TTN: variants seen among roughly 807,000 people sequenced by gnomAD.
TTN encodes titin.
In TTN, 1,525 loss-of-function variants were observed where a neutral mutation model predicts 3,223.0. That is an observed-to-expected ratio of 0.47 (90% CI 0.45 to 0.49). The LOEUF is 0.49. TTN is among the 20% of genes least tolerant of loss of function. TTN has a pLI of 0.00. For synonymous variants in TTN, 14,094 were observed against 15,161.0 expected (o/e 0.93, Z 5.17); for missense variants, 40,786 against 43,424.0 (o/e 0.94, Z 5.40).
rs762291327 is a variant in TTN, at chr2:178,706,780, C to A, written c.29135-41G>T. On this transcript the variant is annotated intron_variant, in intron 101 of 362. Coordinates refer to ENST00000589042, the MANE Select transcript of TTN (RefSeq NM_001267550.2). ...AACAAGTGAATAAAAATTTAATTTTCTAAAATCAGTTCTTCCAAAATTAAA... is the reference window on the plus strand; with the variant it reads ...AACAAGTGAATAAAAATTTAATTTTATAAAATCAGTTCTTCCAAAATTAAA... The A allele has an allele frequency of 1.6e-5, 26 of 1,595,952 alleles. No individual in the cohort carries two copies. The East Asian group carries it at 5.6e-4, about 34-fold the overall frequency.
At position 178,704,709 on chromosome 2, in the gene TTN, A is replaced by G. The variant is rs2742343; in HGVS notation, c.29763T>C (p.Ile9921=). 0.037 allele frequency: 59,216 copies of G among 1,611,202 alleles called. 2,249 individuals carry two copies. The highest frequency in any genetic ancestry group is 0.19 in the East Asian group (8,553 of 44,862). ...TTTCTGGATAATTAATTTTAATGTC[A>G]ATTTCAAAGACAGCATCATTATCTT... The part of the protein sequence containing the change: ...VLKDNDAVFE[I]DIKINYPEIK... Residue 9921 remains isoleucine, a synonymous_variant, in exon 105 of 363, where the codon ATT becomes ATC. Coordinates refer to ENST00000589042, the MANE Select transcript of TTN (RefSeq NM_001267550.2).
Position 178,591,237 on chromosome 2 carries a change from G to A in TTN, c.60488C>T (p.Ala20163Val). The A allele has an allele frequency of 1.9e-6, 3 of 1,613,372 alleles. No individual in the cohort carries two copies. The highest frequency in any genetic ancestry group is 2.5e-6 in the Non-Finnish European group (3 of 1,179,562). ...VSNAAGSKTV[A>V]VHLTVLDVPG... Reference sequence around the variant, plus strand: ...AACATCAAGAACAGTAAGATGTACGGCTACTGTTTTGCTACCGGCTGCATT... The same window carrying A: ...AACATCAAGAACAGTAAGATGTACGACTACTGTTTTGCTACCGGCTGCATT... Residue 20163 changes from alanine (A) to valine (V), a missense_variant, in exon 304 of 363, where the codon GCC becomes GTC. Coordinates refer to ENST00000589042, the MANE Select transcript of TTN (RefSeq NM_001267550.2).
rs748038054 is a variant in TTN at position 178,554,672 on chromosome 2, C to G, written c.88675G>C (p.Ala29559Pro). Residue 29559 changes from alanine to proline, a missense_variant, in exon 332 of 363, where the codon GCT (alanine) becomes CCT (proline). Coordinates refer to ENST00000589042, the MANE Select transcript of TTN (RefSeq NM_001267550.2). ...GTGATTTTTGCACCACCATCATCAG[C>G]TGGAGGCCGCCAGAGAAGGGTGATC... is the stretch of plus-strand genomic sequence containing the variant. Reference protein sequence around the residue: ...EKITLLWRPPADDGGAKITHY... With the variant: ...EKITLLWRPPPDDGGAKITHY... The G allele has an allele frequency of 1.7e-5, 27 of 1,613,842 alleles. No homozygotes were observed. Among genetic ancestry groups the G allele is most frequent in the Non-Finnish European group, 2.2e-5 (26 of 1,179,868 alleles).
Position 178,577,171 on chromosome 2 carries a change from T to G in TTN, c.69164A>C (p.Glu23055Ala), listed in dbSNP as rs2046618372. The G allele has an allele frequency of 6.2e-7, 1 of 1,612,936 alleles. No individual in the cohort carries two copies. The highest frequency in any genetic ancestry group is 8.5e-7 in the Non-Finnish European group (1 of 1,179,418). Residue 23055 changes from glutamate to alanine, a missense_variant, in exon 324 of 363, where the codon GAA (glutamate) becomes GCA (alanine). By Grantham distance (107) the Glu-to-Ala change is moderately radical (BLOSUM62 -1). Coordinates refer to ENST00000589042, the MANE Select transcript of TTN (RefSeq NM_001267550.2). The part of the protein sequence containing the change: ...GPVEISNVSA[E>A]KATLTWTPPL... ...AGGTGTCCATGTAAGTGTTGCTTTT[T>G]CAGCAGAAACATTACTGATTTCAAC... is the stretch of plus-strand genomic sequence containing the variant.
chr2:178,598,454 GA>G, intron 292 of TTN, 51 bp downstream of exon 292: 6 of 1,571,944 alleles, frequency 3.8e-6, no homozygotes, highest in Middle Eastern at 1.7e-4. Flanking sequence ...GAATAACTAT[GA>G]CATTTTTTAG....
At position 178,634,151 on chromosome 2, in the gene TTN, G is replaced by T; in HGVS notation, c.42416-68C>A. 1.3e-6 allele frequency: 2 copies of T among 1,582,068 alleles called. No individual in the cohort carries two copies. Among genetic ancestry groups the T allele is most frequent in the Non-Finnish European group, 1.7e-6 (2 of 1,168,596 alleles). On this transcript the variant is annotated intron_variant, in intron 230 of 362. Transcript: ENST00000589042. The surrounding 1 kb of genome is among the most constrained non-coding windows in gnomAD (Gnocchi z 4.6). Reference sequence around the variant, plus strand: ...CTTCAGAAAGATTCCATTCTAATCTGCCTGAGTAAAAGGGACCCATTTCAC... The same window carrying T: ...CTTCAGAAAGATTCCATTCTAATCTTCCTGAGTAAAAGGGACCCATTTCAC...
chr2:178,562,853 T>A lies in TTN; in HGVS notation c.83279A>T (p.Asn27760Ile), dbSNP rs200714263. The A allele has an allele frequency of 3.3e-5, 54 of 1,613,068 alleles. No individual in the cohort carries two copies. The highest frequency in any genetic ancestry group is 1.7e-4 in the Middle Eastern group (1 of 6,060). ...NNSGSKTAFV[N>I]VRVLDSPSAP... is the part of the protein sequence containing the mutation. ...ACTTGGTGAGTCAAGAACTCTGACG[T>A]TAACAAAAGCTGTTTTGGAGCCACT... is the stretch of plus-strand genomic sequence containing the variant. Residue 27760 changes from asparagine (N) to isoleucine (I), a missense_variant, in exon 326 of 363, where the codon AAC (asparagine) becomes ATC (isoleucine). Coordinates refer to ENST00000589042, the MANE Select transcript of TTN (RefSeq NM_001267550.2).
rs747690782 is a variant in TTN, at chr2:178,601,021, T to C, written c.55883A>G (p.Lys18628Arg). 4.3e-6 allele frequency: 7 copies of C among 1,613,044 alleles called. No individual in the cohort carries two copies. In the South Asian group the frequency reaches 6.6e-5, roughly 15 times the overall value. ...CLAWDPTGTK[K>R]EAWRQCNKRD... The stretch of plus-strand genomic sequence containing the variant: ...CTTATTGCACTGCCTCCAGGCTTCT[T>C]TCTTTGTCCCAGTAGGGTCCCATGC... Residue 18628 changes from lysine to arginine, a missense_variant, in exon 288 of 363, where the codon AAA becomes AGA. By Grantham distance (26) the Lys-to-Arg change is conservative. Coordinates refer to ENST00000589042, the MANE Select transcript of TTN (RefSeq NM_001267550.2).
Position 178,562,562 on chromosome 2 carries a change from G to A in TTN, c.83570C>T (p.Pro27857Leu). The A allele has an allele frequency of 6.2e-7, 1 of 1,610,700 alleles. No individual in the cohort carries two copies. Among genetic ancestry groups the A allele is most frequent in the Non-Finnish European group, 8.5e-7 (1 of 1,178,648 alleles). ...GAGGGGTGGTTCAGACACTTTAACG[G>A]GTTCTGTTGTTTCAGCTGGCAAACC... ...GIGLPAETTEPVKVSEPPLPP... is the reference protein window; with the variant it reads ...GIGLPAETTELVKVSEPPLPP... The change falls in exon 326 of 363, where the codon CCC becomes CTC. Residue 27857 changes from proline to leucine, a missense_variant. By Grantham distance (98) the Pro-to-Leu change is moderately conservative. Coordinates refer to ENST00000589042, the MANE Select transcript of TTN (RefSeq NM_001267550.2).
chr2:178,580,407 C>G lies in TTN; in HGVS notation c.66972G>C (p.Val22324=). The G allele has an allele frequency of 6.2e-7, 1 of 1,613,196 alleles. No homozygotes were observed. Among genetic ancestry groups the G allele is most frequent in the South Asian group, 1.1e-5 (1 of 91,058 alleles). The change falls in exon 317 of 363, where the codon GTG becomes GTC. Residue 22324 remains valine (V), a synonymous_variant. Coordinates refer to ENST00000589042, the MANE Select transcript of TTN (RefSeq NM_001267550.2). ...TATATTTTCCTGCATCATATTTGTTCACATTTTCACAGCGCAAGAAAGTGT... is the reference window on the plus strand; with the variant it reads ...TATATTTTCCTGCATCATATTTGTTGACATTTTCACAGCGCAAGAAAGTGT... ...DFDTFLRCEN[V]NKYDAGKYIL...
At chr2:178,784,487 A>C in intron 15 of TTN, 136 bp from the exon 16 acceptor site, 3 of 1,082,120 alleles carry the variant, frequency 2.8e-6, no homozygotes, top group South Asian at 3.1e-5. Context: ...TCACACAGTT[A>C]ATGAAAAGTC....
At chr2:178,801,023 C>T (rs911948626) in intron 3 of TTN, among the ~76,000 whole-genome samples, 2 of 152,176 alleles carry the variant, frequency 1.3e-5, no homozygotes, top group African/African-American at 2.4e-5. Flanking sequence ...TCACATCTAG[C>T]GCTCTATTAA....
In TTN at chr2:178,613,863, G is replaced by T. The variant is rs763053848; in HGVS notation, c.49420C>A (p.Pro16474Thr). 6.2e-7 allele frequency: 1 copy of T among 1,612,050 alleles called. No homozygotes were observed. The highest frequency in any genetic ancestry group is 8.5e-7 in the Non-Finnish European group (1 of 1,178,932). Reference sequence around the variant, plus strand: ...ATTGGGCTGCCACCATCATCATCTGGCTCACACCATGTGAGAGTCACTGCG... The same window carrying T: ...ATTGGGCTGCCACCATCATCATCTGTCTCACACCATGTGAGAGTCACTGCG... Reference protein sequence around the residue: ...KDAVTLTWCEPDDDGGSPITG... With the variant: ...KDAVTLTWCETDDDGGSPITG... Residue 16474 changes from proline (P) to threonine (T), a missense_variant, in exon 263 of 363, where the codon CCA (proline) becomes ACA (threonine). Pro to Thr is a conservative substitution (Grantham distance 38). Coordinates refer to ENST00000589042, the MANE Select transcript of TTN (RefSeq NM_001267550.2).
chr2:178,727,307 T>C lies in TTN; in HGVS notation c.20058A>G (p.Arg6686=). The C allele has an allele frequency of 6.2e-7, 1 of 1,612,606 alleles. No individual in the cohort carries two copies. The highest frequency in any genetic ancestry group is 8.5e-7 in the Non-Finnish European group (1 of 1,179,180). Residue 6686 remains arginine, a synonymous_variant, in exon 69 of 363, where the codon CGA becomes CGG. Transcript: ENST00000589042. The part of the protein sequence containing the change: ...SKIVKAGDSS[R]LECKIAGSPE... Reference sequence around the variant, plus strand: ...GGGATCCAGCTATCTTGCATTCAAGTCGTGAAGAGTCACCTGCTTTCACAA... The same window carrying C: ...GGGATCCAGCTATCTTGCATTCAAGCCGTGAAGAGTCACCTGCTTTCACAA...
In TTN at chr2:178,620,027, C is replaced by A. The variant is rs763137958; in HGVS notation, c.46390G>T (p.Val15464Leu). The change falls in exon 249 of 363, where the codon GTA becomes TTA. Residue 15464 changes from valine (V) to leucine (L), a missense_variant. By Grantham distance (32) the Val-to-Leu change is conservative (BLOSUM62 1). Coordinates refer to ENST00000589042, the MANE Select transcript of TTN (RefSeq NM_001267550.2). Reference protein sequence around the residue: ...LDDECEYACGVEDRKSRARLF... With the variant: ...LDDECEYACGLEDRKSRARLF... ...CTAGCACGAGACTTCCTGTCTTCTA[C>A]CCCGCAAGCATATTCACACTCATCA... 1 of 1,611,790 alleles carries A rather than the reference C, an allele frequency of 6.2e-7. No homozygotes were observed. Among genetic ancestry groups the A allele is most frequent in the Admixed American group, 1.7e-5 (1 of 59,830 alleles).
At position 178,618,067 on chromosome 2, in the gene TTN, G is replaced by A. The variant is rs1190086474; in HGVS notation, c.47284C>T (p.Pro15762Ser). 6.8e-6 allele frequency: 11 copies of A among 1,612,186 alleles called. No homozygotes were observed. The highest frequency in any genetic ancestry group is 9.3e-6 in the Non-Finnish European group (11 of 1,179,028). The change falls in exon 253 of 363, where the codon CCT becomes TCT. Residue 15762 changes from proline (P) to serine (S), a missense_variant. Transcript: ENST00000589042. ...ARSKYDVPGP[P>S]LNVTITDVNR... ...ACATCAGTGATGGTTACATTCAAAG[G>A]AGGGCCTGGAACATCTGGATTTCAC...
chr2:178,774,619 T>C (rs941444781), intron 29 of TTN, 146 bp from the exon 30 acceptor site: 2 of 753,868 alleles, frequency 2.7e-6, no homozygotes, highest in Admixed American at 6.2e-5. Flanking sequence ...GGCTGAGAGA[T>C]AAATTTTCAA....
intron 46 of TTN, among the ~76,000 whole-genome samples, chr2:178,755,306 A>G (rs2086613044): frequency 6.6e-6 from 1 of 152,228 alleles, no homozygotes; most frequent in Admixed American, 6.5e-5. Flanking sequence ...TGATCTTGCC[A>G]TGAGAAAATT....
intron 236 of TTN, among the ~76,000 whole-genome samples, chr2:178,631,583 C>G (rs1000913541): frequency 1.1e-4 from 16 of 151,996 alleles, no homozygotes; most frequent in Admixed American, 5.9e-4. Context: ...ATTTTGTGTT[C>G]CTCCATTATT....
Sources: gnomAD v4.1 joint callset for allele counts (sites outside exome capture counted in the v4.1 genomes callset) on GRCh38, gnomAD v4.1.1 for gene constraint, Gnocchi (gnomAD v3.1) non-coding constraint, MANE v1.5 for transcripts, NCBI Gene and HGNC (gene_info 2026-07-23, HGNC 2026-07-21) for gene names.